ANKRD28: variants seen among roughly 807,000 people sequenced by gnomAD.
ANKRD28 encodes ankyrin repeat domain 28.
Under a neutral mutation model 126.5 loss-of-function variants are expected in ANKRD28, and 44 were observed. The ratio of observed to expected loss-of-function variants is 0.35; its 90% confidence interval spans 0.27 to 0.45. The LOEUF is 0.45. ANKRD28 is among the 20% of genes least tolerant of loss of function. The pLI is 1.00. For synonymous variants in ANKRD28, 442 were observed against 468.5 expected (o/e 0.94, Z 0.73); for missense variants, 1,110 against 1,316.6 (o/e 0.84, Z 2.43).
In ANKRD28 at chr3:15,686,118, T is replaced by C; in HGVS notation, c.2053A>G (p.Thr685Ala). The C allele has an allele frequency of 6.2e-7, 1 of 1,612,396 alleles. No individual in the cohort carries two copies. The highest frequency in any genetic ancestry group is 8.5e-7 in the Non-Finnish European group (1 of 1,179,120). Residue 685 changes from threonine (T) to alanine (A), a missense_variant and splice_region_variant, in exon 20 of 28, where the codon ACG becomes GCG. Thr to Ala is a moderately conservative substitution (Grantham distance 58). Coordinates refer to ENST00000683139, the MANE Select transcript of ANKRD28 (RefSeq NM_001349278.2). ...TTGAGAACAGATAGCATCAGAGGCG[T>C]CCTGAGCAACAACAGGAATAGGTTC... is the stretch of plus-strand genomic sequence containing the variant. ...AVDIQDGNGQ[T>A]PLMLSVLNGH...
Position 15,795,380 on chromosome 3 carries a change from G to A in ANKRD28, c.118-74C>T, listed in dbSNP as rs2125819356. 4 of 1,042,070 alleles carry A rather than the reference G, an allele frequency of 3.8e-6. No individual in the cohort carries two copies. The East Asian group carries it at 7.4e-5, about 19-fold the overall frequency. 64.6% of individuals were successfully genotyped at this position (1,042,070 alleles called of 1,614,324 possible). The stretch of plus-strand genomic sequence containing the variant: ...GACTAAGGATATTTTACATAGTTCT[G>A]GAATCTACAAGTTTTCTTCCCTGTA... On this transcript the variant is annotated intron_variant, in intron 1 of 27. Transcript: ENST00000683139.
intron 1 of ANKRD28, among the ~76,000 whole-genome samples, chr3:15,850,611 T>G (rs1377397003): frequency 6.6e-6 from 1 of 152,164 alleles, no homozygotes; most frequent in Non-Finnish European, 1.5e-5. Context: ...TCTCTTCTGT[T>G]GGGTTCAGGA....
In ANKRD28 at chr3:15,670,398, A is replaced by G. The variant is rs774987083; in HGVS notation, c.3124T>C (p.Phe1042Leu). ...RYTNTSKTVS[F>L]EALPIMRNEP... ...TTCCTCATGATGGGCAAAGCTTCAA[A>G]GCTGACTGTTTTTGAGGTGTTGGTA... The change falls in exon 28 of 28, where the codon TTT becomes CTT. Residue 1042 changes from phenylalanine to leucine, a missense_variant. Physicochemically the swap from Phe to Leu is conservative, Grantham distance 22. Coordinates refer to ENST00000683139, the MANE Select transcript of ANKRD28 (RefSeq NM_001349278.2). 6.2e-7 allele frequency: 1 copy of G among 1,614,002 alleles called. No homozygotes were observed. The highest frequency in any genetic ancestry group is 1.1e-5 in the South Asian group (1 of 91,084).
Position 15,735,423 on chromosome 3 carries a change from C to G in ANKRD28, c.627G>C (p.Trp209Cys). 11 of 1,557,162 alleles carry G rather than the reference C, an allele frequency of 7.1e-6. No homozygotes were observed. The highest frequency in any genetic ancestry group is 9.6e-6 in the Non-Finnish European group (11 of 1,149,470). Residue 209 changes from tryptophan (W) to cysteine (C), a missense_variant, in exon 6 of 28, where the codon TGG becomes TGC. By Grantham distance (215) the Trp-to-Cys change is radical. Coordinates refer to ENST00000683139, the MANE Select transcript of ANKRD28 (RefSeq NM_001349278.2). ...AAAAGTACATACCCATATATGCTGC[C>G]CAATGGATAGCACGCCTATCTTTCT... ...FDKKDRRAIH[W>C]AAYMGHIEVV... is the part of the protein sequence containing the mutation.
At chr3:15,787,470 T>C (rs1015838563) in intron 2 of ANKRD28, among the ~76,000 whole-genome samples, 5 of 152,080 alleles carry the variant, frequency 3.3e-5, no homozygotes, top group African/African-American at 1.2e-4. Flanking sequence ...GAAAGCTGAG[T>C]TGGTTCTTCT....
In ANKRD28 at chr3:15,741,792, T is replaced by A. The variant is rs2057038949; in HGVS notation, c.352-4559A>T. ...GCACAGGAAAAACAAGGGCTTAACA[T>A]ATTTGCAGGTACTGCTGCCATCTCA... On this transcript the variant is annotated intron_variant, in intron 4 of 27. Coordinates refer to ENST00000683139, the MANE Select transcript of ANKRD28 (RefSeq NM_001349278.2). Among the ~76,000 whole-genome samples the A allele has an allele frequency of 2.1e-5, 3 of 144,922 alleles. No individual in the cohort carries two copies. In the South Asian group the frequency reaches 6.8e-4, roughly 33 times the overall value.
At chr3:15,719,997 G>C (rs374471179) in intron 8 of ANKRD28, among the ~76,000 whole-genome samples, 19 of 152,098 alleles carry the variant, frequency 1.2e-4, no homozygotes, top group African/African-American at 4.6e-4. Flanking sequence ...AACCTCCCAA[G>C]TAGCTGGGAC....
chr3:15,838,439 T>C lies in ANKRD28; in HGVS notation c.27+20938A>G, dbSNP rs1170269193. On this transcript the variant is annotated intron_variant, in intron 1 of 27. Coordinates refer to the ANKRD28 transcript ENST00000399451. The surrounding 1 kb of genome is among the most constrained non-coding windows in gnomAD (Gnocchi z 4.0). ...AGCTTATTATACGACCCAGCGATTC[T>C]ACTCAAGAATCTTTGTGGCCAGGCA... 6.6e-6 allele frequency among the ~76,000 whole-genome samples: 1 copy of C among 152,152 alleles called. No individual in the cohort carries two copies. The highest frequency in any genetic ancestry group is 1.5e-5 in the Non-Finnish European group (1 of 68,014).
chr3:15,815,142 T>C lies in ANKRD28; in HGVS notation c.28-19836A>G, dbSNP rs923361765. ...TTCTTGTATAATACTTTTCCCAAGATAAAAAATAAAATTCCCACAAGTTAA... is the reference window on the plus strand; with the variant it reads ...TTCTTGTATAATACTTTTCCCAAGACAAAAAATAAAATTCCCACAAGTTAA... On this transcript the variant is annotated intron_variant, in intron 1 of 27. Transcript: ENST00000399451. This position sits in a 1 kb window ranked among gnomAD's most constrained non-coding sequence, Gnocchi z 4.1. 1.1e-4 allele frequency among the ~76,000 whole-genome samples: 16 copies of C among 151,910 alleles called. No individual in the cohort carries two copies. Among genetic ancestry groups the C allele is most frequent in the African/African-American group, 3.9e-4 (16 of 41,406 alleles).
At chr3:15,768,633 C>T (rs1432226307) in intron 2 of ANKRD28, among the ~76,000 whole-genome samples, 4 of 151,800 alleles carry the variant, frequency 2.6e-5, no homozygotes, top group Admixed American at 6.6e-5. Flanking sequence ...GCCTGGGCAA[C>T]AGAGCAAGAT....
rs149384714 is a variant in ANKRD28, at chr3:15,795,216, GT to G, written c.201+6del. ...AAAGGCTGGCATCAGTGAATTAACT[GT>G]TTTACCTGAAAGTTAACATCTTCTT... On this transcript the variant is annotated splice_donor_region_variant and intron_variant, in intron 2 of 27. Transcript: ENST00000683139. 6.3e-7 allele frequency: 1 copy of G among 1,590,794 alleles called. No individual in the cohort carries two copies. The highest frequency in any genetic ancestry group is 8.6e-7 in the Non-Finnish European group (1 of 1,159,450).
intron 7 of ANKRD28, among the ~76,000 whole-genome samples, chr3:15,724,019 T>C (rs2073979276): frequency 6.6e-6 from 1 of 152,228 alleles, no homozygotes. Flanking sequence ...ACAGTCATTT[T>C]AAGAGAGTAT....
intron 8 of ANKRD28, among the ~76,000 whole-genome samples, chr3:15,716,296 T>C (rs2073036681): frequency 6.6e-6 from 1 of 151,498 alleles, no homozygotes. Context: ...TTTTTTTTTT[T>C]TTTTCCCTTA....
chr3:15,843,649 AAAGGT>A lies in ANKRD28; in HGVS notation c.27+15723_27+15727del, dbSNP rs976479911. Among the ~76,000 whole-genome samples, 3 of 152,142 alleles carry A rather than the reference AAAGGT, an allele frequency of 2.0e-5. No individual in the cohort carries two copies. The highest frequency in any genetic ancestry group is 4.4e-5 in the Non-Finnish European group (3 of 68,036). ...AGAAATAAAACAATTTACAATAAGG[AAAGGT>A]ATCAATAAGAAAGCAATGGGTAAAA... On this transcript the variant is annotated intron_variant, in intron 1 of 27. Transcript: ENST00000399451. This position sits in a 1 kb window ranked among gnomAD's most constrained non-coding sequence, Gnocchi z 5.2.
chr3:15,775,369 T>A (rs1435366106), intron 2 of ANKRD28, among the ~76,000 whole-genome samples: 1 of 152,128 alleles, frequency 6.6e-6, no homozygotes, highest in Non-Finnish European at 1.5e-5. Flanking sequence ...TGTGTGGAGG[T>A]TGTTTCCTCA....
chr3:15,732,830 A>G (rs141418980), intron 6 of ANKRD28: 109 of 152,386 alleles, frequency 7.2e-4, no homozygotes, highest in African/African-American at 2.4e-3. Flanking sequence ...CTTGTAACAG[A>G]TATGTGGAAA....
chr3:15,722,551 T>TAA (rs2073840137), intron 7 of ANKRD28, among the ~76,000 whole-genome samples: 1 of 152,158 alleles, frequency 6.6e-6, no homozygotes, highest in African/African-American at 2.4e-5. Context: ...TTCTGGTGAA[T>TAA]TATCAAACCT....
chr3:15,678,596 A>G (rs1373053276), intron 23 of ANKRD28, among the ~76,000 whole-genome samples: 4 of 152,196 alleles, frequency 2.6e-5, no homozygotes, highest in Non-Finnish European at 5.9e-5. Context: ...GATTAATTAC[A>G]AAATTGCTAA....
intron 2 of ANKRD28, among the ~76,000 whole-genome samples, chr3:15,784,879 T>C (rs1457211842): frequency 6.6e-6 from 1 of 152,000 alleles, no homozygotes; most frequent in Non-Finnish European, 1.5e-5. Flanking sequence ...TAGAAAACAA[T>C]TCCACTGGCA....
Sources: gnomAD v4.1 joint callset for allele counts (sites outside exome capture counted in the v4.1 genomes callset) on GRCh38, gnomAD v4.1.1 for gene constraint, Gnocchi (gnomAD v3.1) non-coding constraint, MANE v1.5 for transcripts, NCBI Gene and HGNC (gene_info 2026-07-23, HGNC 2026-07-21) for gene names.